ARFGEF1: variants seen among roughly 807,000 people sequenced by gnomAD.
ARFGEF1 encodes ARF guanine nucleotide exchange factor 1, also known as brefeldin A-inhibited guanine nucleotide-exchange protein 1.
ARFGEF1 carries 42 observed loss-of-function variants against 231.0 expected under a neutral mutation model. The observed-to-expected ratio is 0.18, with a 90% CI of 0.14 to 0.24. ARFGEF1 has a LOEUF of 0.24. Ranked by LOEUF, ARFGEF1 falls within the 10% of genes least tolerant of loss-of-function variation. The pLI, the probability that ARFGEF1 is intolerant of heterozygous loss-of-function variation, is 1.00. For missense variants in ARFGEF1, 1,345 were observed against 2,192.0 expected (o/e 0.61, Z 7.72); for synonymous variants, 710 against 732.3 (o/e 0.97, Z 0.49).
chr8:67,203,224 C>G lies in ARFGEF1; in HGVS notation c.4987G>C (p.Val1663Leu), dbSNP rs756186000. ...QRDAVDFDVR[V>L]DTQDQGMYRF... ...TACATTCCTTGGTCTTGAGTATCAACGCGAACATCAAAGTCCACCGCATCT... is the reference window on the plus strand; with the variant it reads ...TACATTCCTTGGTCTTGAGTATCAAGGCGAACATCAAAGTCCACCGCATCT... Residue 1663 changes from valine (V) to leucine (L), a missense_variant, in exon 36 of 39, where the codon GTT (valine) becomes CTT (leucine). By Grantham distance (32) the Val-to-Leu change is conservative. Coordinates refer to ENST00000262215, the MANE Select transcript of ARFGEF1 (RefSeq NM_006421.5). 1 of 1,614,122 alleles carries G rather than the reference C, an allele frequency of 6.2e-7. No homozygotes were observed. Among genetic ancestry groups the G allele is most frequent in the Non-Finnish European group, 8.5e-7 (1 of 1,179,992 alleles).
chr8:67,235,060 G>A (rs191545735), intron 22 of ARFGEF1, among the ~76,000 whole-genome samples: 3 of 146,952 alleles, frequency 2.0e-5, no homozygotes, highest in Non-Finnish European at 3.0e-5. Flanking sequence ...GAAAAAATAT[G>A]TGTATGTGTG....
chr8:67,328,076 G>C (rs1020877109), intron 1 of ARFGEF1, among the ~76,000 whole-genome samples: 1 of 152,076 alleles, frequency 6.6e-6, no homozygotes, highest in Non-Finnish European at 1.5e-5. Flanking sequence ...ATAAAGAAGG[G>C]AACAAGGGAA....
intron 29 of ARFGEF1, among the ~76,000 whole-genome samples, chr8:67,223,964 T>C (rs1003633699): frequency 4.6e-5 from 7 of 152,344 alleles, no homozygotes; most frequent in African/African-American, 1.4e-4. Flanking sequence ...TTAAGTCCTA[T>C]TTTGATTATC....
chr8:67,181,904 T>A (rs1833150196), intron 5 of ARFGEF1, among the ~76,000 whole-genome samples: 1 of 152,226 alleles, frequency 6.6e-6, no homozygotes, highest in Non-Finnish European at 1.5e-5. Flanking sequence ...TAGGACCTCA[T>A]GTAAGTGGAA....
At chr8:67,296,269 A>G (rs539789742) in intron 5 of ARFGEF1, among the ~76,000 whole-genome samples, 162 bp downstream of exon 5, 14 of 152,360 alleles carry the variant, frequency 9.2e-5, no homozygotes, top group African/African-American at 3.4e-4. Flanking sequence ...TTAAAACAAA[A>G]CAAAATAAAA....
chr8:67,203,935 C>G (rs1838422716), intron 35 of ARFGEF1, among the ~76,000 whole-genome samples: 1 of 152,220 alleles, frequency 6.6e-6, no homozygotes, highest in Admixed American at 6.5e-5. Flanking sequence ...GTGATTCCCA[C>G]TCTGTATGAG....
At chr8:67,176,118 G>C (rs1831564517) in intron 5 of ARFGEF1, among the ~76,000 whole-genome samples, 1 of 152,036 alleles carries the variant, frequency 6.6e-6, no homozygotes, top group African/African-American at 2.4e-5. Flanking sequence ...GCAGAGTGGG[G>C]CTAGTTGTCT....
intron 14 of ARFGEF1, 46 bp downstream of exon 14, chr8:67,265,960 G>T (rs1216530948): frequency 1.9e-6 from 3 of 1,576,146 alleles, no homozygotes; most frequent in South Asian, 1.1e-5. Context: ...CACTATACTG[G>T]CAGAGAGATA....
chr8:67,341,415 C>A (rs1464833927), intron 1 of ARFGEF1, among the ~76,000 whole-genome samples: 2 of 141,434 alleles, frequency 1.4e-5, no homozygotes, highest in African/African-American at 5.4e-5. Flanking sequence ...AGAGAGACCG[C>A]CATCTCCACC....
At chr8:67,328,716 A>T (rs1164959844) in intron 1 of ARFGEF1, among the ~76,000 whole-genome samples, 2 of 152,212 alleles carry the variant, frequency 1.3e-5, no homozygotes, top group Non-Finnish European at 2.9e-5. Flanking sequence ...AGAGTTGTAA[A>T]CTAAATGTGT....
Position 67,228,955 on chromosome 8 carries a change from G to A in ARFGEF1, c.3381-691C>T, listed in dbSNP as rs140452033. Among the ~76,000 whole-genome samples, 117 of 152,068 alleles carry A rather than the reference G, an allele frequency of 7.7e-4. 1 individual carries two copies. The highest frequency in any genetic ancestry group is 2.6e-3 in the African/African-American group (110 of 41,512). ...CTGGGTTTGCAACCAAGAGTTTGACGTCACTTTCAAGAAGGATGACATTCC... is the reference window on the plus strand; with the variant it reads ...CTGGGTTTGCAACCAAGAGTTTGACATCACTTTCAAGAAGGATGACATTCC... On this transcript the variant is annotated intron_variant, in intron 23 of 38. Coordinates refer to ENST00000262215, the MANE Select transcript of ARFGEF1 (RefSeq NM_006421.5).
chr8:67,257,935 T>C, intron 16 of ARFGEF1, 119 bp from the exon 17 acceptor site: 1 of 1,204,190 alleles, frequency 8.3e-7, no homozygotes, highest in Non-Finnish European at 1.2e-6. Flanking sequence ...TTACAATTTT[T>C]TATGGATTTG....
chr8:67,294,336 A>T (rs1214330649), intron 5 of ARFGEF1, among the ~76,000 whole-genome samples: 1 of 152,188 alleles, frequency 6.6e-6, no homozygotes, highest in African/African-American at 2.4e-5. Flanking sequence ...AAAAATGAAA[A>T]GCAGAGAGTA....
intron 29 of ARFGEF1, among the ~76,000 whole-genome samples, chr8:67,221,806 CT>C (rs376510677): frequency 1.2e-4 from 17 of 147,046 alleles, no homozygotes; most frequent in Middle Eastern, 3.5e-3. Context: ...TTTGTTGTTG[CT>C]TTTTTTTTTC....
intron 23 of ARFGEF1, among the ~76,000 whole-genome samples, chr8:67,229,617 T>C (rs181940325): frequency 1.0e-3 from 154 of 152,130 alleles, no homozygotes; most frequent in African/African-American, 3.4e-3. Context: ...ATATGGCCCC[T>C]CTTAATCCAG....
chr8:67,233,054 G>T, intron 22 of ARFGEF1, 109 bp from the exon 23 acceptor site: 1 of 891,002 alleles, frequency 1.1e-6, no homozygotes, highest in Non-Finnish European at 1.7e-6. Flanking sequence ...CCTAATAACA[G>T]AATGCTTCAG....
intron 21 of ARFGEF1, 98 bp from the exon 22 acceptor site, chr8:67,238,591 T>C (rs1193363421): frequency 4.6e-5 from 65 of 1,407,950 alleles, no homozygotes; most frequent in Non-Finnish European, 5.8e-5. Flanking sequence ...CAGACTACAC[T>C]ATAGATTATT....
chr8:67,259,447 C>T (rs1357481475), intron 15 of ARFGEF1, among the ~76,000 whole-genome samples: 4 of 152,014 alleles, frequency 2.6e-5, no homozygotes, highest in Non-Finnish European at 4.4e-5. Flanking sequence ...AGGCTGGTCT[C>T]GAACTCCTGA....
At chr8:67,243,330 G>A (rs1050040188) in intron 19 of ARFGEF1, among the ~76,000 whole-genome samples, 4 of 152,176 alleles carry the variant, frequency 2.6e-5, no homozygotes, top group Non-Finnish European at 4.4e-5. Context: ...TCAGTTCCAT[G>A]TGGCTGAGAG....
Sources: allele counts gnomAD v4.1 joint callset (sites outside exome capture counted in the v4.1 genomes callset), GRCh38; gene constraint gnomAD v4.1.1; transcripts MANE v1.5; gene names NCBI Gene and HGNC (gene_info 2026-07-23, HGNC 2026-07-21).